Variants in POLQ observed in about 807,000 individuals in gnomAD.
The protein encoded by POLQ is epididymis secretory sperm binding protein.
In POLQ, 233 loss-of-function variants were observed where a neutral mutation model predicts 259.2. The ratio of observed to expected loss-of-function variants is 0.90; its 90% CI spans 0.81 to 1.00. The LOEUF (loss-of-function observed/expected upper bound fraction) is 1.00. Ranked by LOEUF, POLQ falls within the 50% of genes least tolerant of loss-of-function variation. The pLI is 0.00. For synonymous variants in POLQ, 1,025 were observed against 1,048.8 expected (o/e 0.98, Z 0.44); for missense variants, 2,871 against 3,051.6 (o/e 0.94, Z 1.39).
At chr3:121,451,218 T>G (rs998490984) in intron 25 of POLQ, among the ~76,000 whole-genome samples, 1 of 152,234 alleles carries the variant, frequency 6.6e-6, no homozygotes, top group African/African-American at 2.4e-5. Flanking sequence ...TTTAGCTTCT[T>G]TGCAATGGGT....
At chr3:121,491,314 T>C (rs888407727) in intron 15 of POLQ, among the ~76,000 whole-genome samples, 2 of 124,384 alleles carry the variant, frequency 1.6e-5, no homozygotes, top group African/African-American at 3.1e-5. Flanking sequence ...GATTACGCCA[T>C]TGCACTCCAG....
rs144136432 is a variant in POLQ, at chr3:121,496,902, T to G, written c.2184A>C (p.Leu728Phe). 1.6e-4 allele frequency: 255 copies of G among 1,612,710 alleles called. No homozygotes were observed. Among genetic ancestry groups the G allele is most frequent in the Non-Finnish European group, 2.0e-4 (237 of 1,179,648 alleles). ...TTTCCCTTAAGGGAACTTCACTGAT[T>G]AAATCTAATAGCACAAGACTGGTGA... ...RFFTSLVLLD[L>F]ISEVPLREIN... Residue 728 changes from leucine to phenylalanine, a missense_variant, in exon 14 of 30, where the codon TTA becomes TTC. Physicochemically the swap from Leu to Phe is conservative, Grantham distance 22 (BLOSUM62 0). Around this residue, in one of 3 missense-constraint regions of POLQ, gnomAD observed 783 missense variants for 906.2 expected, o/e 0.86. Transcript: ENST00000264233.
rs1165204901 is a variant in POLQ, at chr3:121,537,870, T to C, written c.632-662A>G. Among the ~76,000 whole-genome samples, 6 of 152,184 alleles carry C rather than the reference T, an allele frequency of 3.9e-5. No individual in the cohort carries two copies. The South Asian group carries it at 6.2e-4, about 16-fold the overall frequency. On this transcript the variant is annotated intron_variant, in intron 4 of 29. Coordinates refer to ENST00000264233, the MANE Select transcript of POLQ (RefSeq NM_199420.4). Reference sequence around the variant, plus strand: ...AAGATATAATACACTATATAATACATTGCAAGTGATGCAAACTTCAAACCA... The same window carrying C: ...AAGATATAATACACTATATAATACACTGCAAGTGATGCAAACTTCAAACCA...
In POLQ at chr3:121,486,554, AAAT is replaced by A. The variant is rs147855797; in HGVS notation, c.5629+745_5629+747del. Among the ~76,000 whole-genome samples the A allele has an allele frequency of 6.4e-4, 96 of 151,014 alleles. No individual in the cohort carries two copies. In the East Asian group the frequency reaches 0.014, roughly 22 times the overall value. The stretch of plus-strand genomic sequence containing the variant: ...GGCCAATAGCGAGATTCTGTCTAAA[AAAT>A]AATAATAATAATAATAATTCATGGG... On this transcript the variant is annotated intron_variant, in intron 16 of 29. Transcript: ENST00000264233.
At position 121,436,355 on chromosome 3, in the gene POLQ, G is replaced by A. The variant is rs1376918497; in HGVS notation, c.7390-80C>T. The A allele has an allele frequency of 1.3e-5, 18 of 1,333,396 alleles. No homozygotes were observed. The Admixed American group carries it at 3.3e-4, about 24-fold the overall frequency. The allele number at this position is 1,333,396 out of a possible 1,614,324, so 82.6% of individuals were successfully genotyped here. A position where few individuals can be genotyped will look rare whatever the true frequency, so the allele number is the denominator to read the frequency against. On this transcript the variant is annotated intron_variant, in intron 27 of 29. Coordinates refer to ENST00000264233, the MANE Select transcript of POLQ (RefSeq NM_199420.4). ...TTTCCTTTAGTGTCCACAGTTCAGT[G>A]CTCACATTTGCAGCCAGACTGGAAA...
chr3:121,474,391 G>A (rs142321680), intron 20 of POLQ, among the ~76,000 whole-genome samples: 2 of 152,200 alleles, frequency 1.3e-5, no homozygotes, highest in African/African-American at 4.8e-5. Context: ...TGCTGTGTGG[G>A]AGGTGGAAGA....
Position 121,472,019 on chromosome 3 carries a change from TA to T in POLQ, c.6688del (p.Tyr2230IlefsTer13). 1 of 1,573,662 alleles carries T rather than the reference TA, an allele frequency of 6.4e-7. No homozygotes were observed. ...AGCAGTGTGCGACTGTGATACAGGA[TA>T]GATTCTTTCCATTCCAAGAAAAGGA... is the stretch of plus-strand genomic sequence containing the variant. ...LNPFLGMERI[Y>X]PVSQSHTATG... is the part of the protein sequence containing the mutation. On this transcript the variant is annotated frameshift_variant, in exon 22 of 30. Coordinates refer to ENST00000264233, the MANE Select transcript of POLQ (RefSeq NM_199420.4). LOFTEE classifies it high-confidence loss of function.
chr3:121,479,032 T>A (rs951547641), intron 19 of POLQ, among the ~76,000 whole-genome samples: 1 of 152,206 alleles, frequency 6.6e-6, no homozygotes, highest in Admixed American at 6.5e-5. Flanking sequence ...AGATAATGAA[T>A]CGTTGGCTAA....
chr3:121,470,022 T>C (rs1001420643), intron 22 of POLQ, among the ~76,000 whole-genome samples: 1 of 152,160 alleles, frequency 6.6e-6, no homozygotes, highest in Non-Finnish European at 1.5e-5. Context: ...AAATTCTAGG[T>C]TGCTGGGCGT....
intron 2 of POLQ, 31 bp from the exon 3 acceptor site, chr3:121,541,510 G>A (rs1278833305): frequency 1.3e-6 from 2 of 1,563,080 alleles, no homozygotes; most frequent in Admixed American, 3.9e-5. Context: ...AAGATTATAA[G>A]AAAAAAGTAA....
At chr3:121,523,731 C>CA (rs1057300680) in intron 7 of POLQ, among the ~76,000 whole-genome samples, 2 of 149,610 alleles carry the variant, frequency 1.3e-5, no homozygotes, top group East Asian at 1.9e-4. Flanking sequence ...AAAATAAAAA[C>CA]AAAAAAACAA....
chr3:121,495,890 C>T (rs2048117361), intron 14 of POLQ, among the ~76,000 whole-genome samples: 1 of 150,598 alleles, frequency 6.6e-6, no homozygotes, highest in South Asian at 2.1e-4. Flanking sequence ...TGCCTCCCTT[C>T]CTACCACTAT....
intron 16 of POLQ, among the ~76,000 whole-genome samples, chr3:121,485,431 G>A (rs1257660130): frequency 2.6e-5 from 4 of 152,116 alleles, no homozygotes; most frequent in Non-Finnish European, 5.9e-5. Flanking sequence ...TTAACGTCAA[G>A]AAAGGGAGGC....
chr3:121,463,080 T>A (rs1445526805), intron 24 of POLQ, among the ~76,000 whole-genome samples: 1 of 152,198 alleles, frequency 6.6e-6, no homozygotes, highest in Non-Finnish European at 1.5e-5. Flanking sequence ...CAAAAGATCT[T>A]CAAATAACAC....
chr3:121,469,185 C>A (rs1182181407), intron 22 of POLQ, among the ~76,000 whole-genome samples: 1,219 of 112,666 alleles, frequency 0.011, no homozygotes, highest in Middle Eastern at 0.018. Flanking sequence ...GAGACTGTCT[C>A]AAAAAAAAAA....
chr3:121,530,785 G>C (rs1384802710), intron 6 of POLQ, among the ~76,000 whole-genome samples: 3 of 152,170 alleles, frequency 2.0e-5, no homozygotes, highest in African/African-American at 7.2e-5. Context: ...TTTACTATTT[G>C]TCAAATATTG....
intron 4 of POLQ, among the ~76,000 whole-genome samples, chr3:121,538,570 TACTC>T (rs1389444234): frequency 1.3e-5 from 2 of 148,954 alleles, no homozygotes; most frequent in African/African-American, 5.0e-5. Flanking sequence ...TTTTAGCACT[TACTC>T]ATTCATTCAC....
chr3:121,537,180 C>T lies in POLQ; in HGVS notation c.660G>A (p.Met220Ile). The T allele has an allele frequency of 6.2e-7, 1 of 1,601,390 alleles. No individual in the cohort carries two copies. The highest frequency in any genetic ancestry group is 8.6e-7 in the Non-Finnish European group (1 of 1,168,988). The change falls in exon 5 of 30, where the codon ATG (methionine) becomes ATA (isoleucine). Residue 220 changes from methionine to isoleucine, a missense_variant. By Grantham distance (10) the Met-to-Ile change is conservative. Around this residue, in one of 3 missense-constraint regions of POLQ, gnomAD observed 783 missense variants for 906.2 expected, o/e 0.86. Coordinates refer to ENST00000264233, the MANE Select transcript of POLQ (RefSeq NM_199420.4). ...GATACCCTCGGTGAGAGTCTCCCAG[C>T]ATATGTAATTCATCCACAACCACCA... ...LGMVVVDELH[M>I]LGDSHRGYLL... is the part of the protein sequence containing the mutation.
In POLQ at chr3:121,512,035, AC is replaced by A; in HGVS notation, c.1469-7del. On this transcript the variant is annotated splice_region_variant and splice_polypyrimidine_tract_variant and intron_variant, in intron 9 of 29. Transcript: ENST00000264233. ...ACAAATTAAGATACTCTCGCCTATAACCAAAAGATACACATTTGCAAAATCC... is the reference window on the plus strand; with the variant it reads ...ACAAATTAAGATACTCTCGCCTATAACAAAAGATACACATTTGCAAAATCC... The A allele has an allele frequency of 6.2e-7, 1 of 1,608,018 alleles. No homozygotes were observed. Among genetic ancestry groups the A allele is most frequent in the Non-Finnish European group, 8.5e-7 (1 of 1,177,380 alleles).
Sources: allele counts gnomAD v4.1 joint callset (sites outside exome capture counted in the v4.1 genomes callset), GRCh38; gene constraint gnomAD v4.1.1; regional missense constraint gnomAD v4.1.1; transcripts MANE v1.5; gene names NCBI Gene and HGNC (gene_info 2026-07-23, HGNC 2026-07-21).